COPG2: variants seen among roughly 807,000 people sequenced by gnomAD.
COPG2 encodes the protein coatomer subunit gamma-2.
In COPG2, 37 loss-of-function variants were observed where a neutral mutation model predicts 46.3. The ratio of observed to expected loss-of-function variants is 0.80; its 90% confidence interval spans 0.61 to 1.05. The LOEUF (loss-of-function observed/expected upper bound fraction) is 1.05, where lower values mean the gene tolerates loss of function less well. Ranked by LOEUF, COPG2 falls within the 50% of genes least tolerant of loss-of-function variation. The probability of loss-of-function intolerance (pLI) is 0.00; values close to 1 mark genes in which losing one functional copy is unlikely to be tolerated. For synonymous variants in COPG2, 159 were observed against 129.7 expected, an observed-to-expected ratio of 1.23 and a Z score of -1.53; for missense variants, 427 against 387.8, an observed-to-expected ratio of 1.10 and a Z score of -0.85.
At chr7:130,594,752 A>G (rs1484847181) in intron 9 of COPG2, among the ~76,000 whole-genome samples, 2 of 152,228 alleles carry the variant, frequency 1.3e-5, no homozygotes, top group African/African-American at 2.4e-5. Flanking sequence ...AAACACATGA[A>G]AAGATGTTCA....
intron 9 of COPG2, 28 bp downstream of exon 9, chr7:130,610,925 T>C: frequency 1.2e-6 from 2 of 1,612,608 alleles, no homozygotes; most frequent in Non-Finnish European, 1.7e-6. Context: ...AAATGGAAAA[T>C]AACCCAGGTT....
intron 5 of COPG2, among the ~76,000 whole-genome samples, chr7:130,648,822 T>C (rs782064847): frequency 4.6e-5 from 7 of 152,342 alleles, no homozygotes; most frequent in Non-Finnish European, 1.0e-4. Flanking sequence ...CAGCGTGTAT[T>C]TAAAGCTGAG....
intron 9 of COPG2, among the ~76,000 whole-genome samples, chr7:130,604,519 C>T (rs371735253): frequency 6.6e-5 from 10 of 152,134 alleles, no homozygotes; most frequent in African/African-American, 9.6e-5. Context: ...AAAATGACTT[C>T]GGATATTGAC....
chr7:130,522,785 G>A (rs934173008), intron 20 of COPG2, among the ~76,000 whole-genome samples: 7 of 152,004 alleles, frequency 4.6e-5, no homozygotes, highest in South Asian at 2.1e-4. Flanking sequence ...GTAAAAAAAC[G>A]AACAAACAAA....
chr7:130,648,954 C>T (rs1305044509), intron 5 of COPG2, among the ~76,000 whole-genome samples: 1 of 152,184 alleles, frequency 6.6e-6, no homozygotes, highest in Non-Finnish European at 1.5e-5. Flanking sequence ...TTTGCCTCCT[C>T]TTTGAGTCTT....
intron 9 of COPG2, among the ~76,000 whole-genome samples, chr7:130,604,963 T>C (rs536501064): frequency 5.3e-5 from 8 of 152,350 alleles, no homozygotes; most frequent in Admixed American, 1.3e-4. Flanking sequence ...TATTATGCTA[T>C]GTTTTACTGT....
chr7:130,618,333 T>C (rs1232117593), intron 5 of COPG2, among the ~76,000 whole-genome samples: 5 of 152,098 alleles, frequency 3.3e-5, no homozygotes, highest in Admixed American at 2.0e-4. Context: ...CCTCTGACCA[T>C]AGCTTTAGTT....
intron 4 of COPG2, 42 bp from the exon 5 acceptor site, chr7:130,652,990 A>C (rs1795777562): frequency 1.5e-6 from 2 of 1,346,174 alleles, no homozygotes; most frequent in Non-Finnish European, 2.1e-6. Context: ...ATTGATTAGG[A>C]AATGGTTTTT....
At chr7:130,648,070 A>C (rs955953144) in intron 5 of COPG2, among the ~76,000 whole-genome samples, 2 of 152,090 alleles carry the variant, frequency 1.3e-5, no homozygotes, top group Non-Finnish European at 2.9e-5. Flanking sequence ...CTGATGACTA[A>C]TAATGTTAAG....
chr7:130,534,207 C>A (rs1799857512), intron 20 of COPG2, among the ~76,000 whole-genome samples: 1 of 151,964 alleles, frequency 6.6e-6, no homozygotes, highest in Non-Finnish European at 1.5e-5. Context: ...GGGGAAAGGG[C>A]CAAAGTAACT....
chr7:130,659,354 C>CAAAAAAAAGAAAA (rs1795924710), intron 4 of COPG2, among the ~76,000 whole-genome samples: 1 of 65,466 alleles, frequency 1.5e-5, no homozygotes, highest in East Asian at 4.8e-4. Flanking sequence ...GACTCCGTCT[C>CAAAAAAAAGAAAA]AAAAAAAAAA....
At chr7:130,601,661 G>A (rs1554450338) in intron 9 of COPG2, among the ~76,000 whole-genome samples, 1 of 152,104 alleles carries the variant, frequency 6.6e-6, no homozygotes, top group African/African-American at 2.4e-5. Flanking sequence ...ACCGGGGCCT[G>A]TCGCGGGTGG....
chr7:130,619,827 A>G (rs536507785), intron 5 of COPG2, among the ~76,000 whole-genome samples: 165 of 152,322 alleles, frequency 1.1e-3, no homozygotes, highest in African/African-American at 3.8e-3. Context: ...TTATTCTTGT[A>G]TCACATGTTC....
rs1554460973 is a variant in COPG2 at position 130,662,951 on chromosome 7, A to T, written c.243+16T>A. On this transcript the variant is annotated intron_variant, in intron 4 of 23. Transcript: ENST00000425248. ...AAGGAGGTTTTTCATCGTAAAAAAA[A>T]TTTAAAAAGACTTACATCATTAGAT... The T allele has an allele frequency of 6.6e-7, 1 of 1,505,502 alleles. No individual in the cohort carries two copies. The highest frequency in any genetic ancestry group is 9.0e-7 in the Non-Finnish European group (1 of 1,111,238). The allele number at this position is 1,505,502 out of a possible 1,614,324, so 93.3% of individuals were successfully genotyped here. A position where few individuals can be genotyped will look rare whatever the true frequency, so the allele number is the denominator to read the frequency against.
chr7:130,616,255 T>G (rs782729436), intron 6 of COPG2, among the ~76,000 whole-genome samples: 14 of 152,230 alleles, frequency 9.2e-5, no homozygotes, highest in Non-Finnish European at 2.1e-4. Context: ...TGTTTATTGT[T>G]GATTGTGTAG....
In COPG2 at chr7:130,588,448, A is replaced by G. The variant is rs1394631815; in HGVS notation, c.737+22505T>C. ...TAAGAAAATGTGGCCCATATACACC[A>G]TGGAATACTATGCAGCCATAAAAAA... On this transcript the variant is annotated intron_variant, in intron 9 of 23. Coordinates refer to ENST00000425248, the MANE Select transcript of COPG2 (RefSeq NM_012133.6). 1.1e-3 allele frequency among the ~76,000 whole-genome samples: 167 copies of G among 152,220 alleles called. 1 individual carries two copies. Among genetic ancestry groups the G allele is most frequent in the Admixed American group, 2.1e-3 (32 of 15,286 alleles).
intron 20 of COPG2, chr7:130,509,312 G>A: frequency 2.0e-6 from 1 of 511,264 alleles, no homozygotes; most frequent in Non-Finnish European, 3.9e-6. Context: ...ATGGAGGTGG[G>A]GGTACATTTT....
At chr7:130,664,179 T>C (rs1435901649) in intron 3 of COPG2, among the ~76,000 whole-genome samples, 1 of 152,242 alleles carries the variant, frequency 6.6e-6, no homozygotes, top group African/African-American at 2.4e-5. Context: ...CAATATTTAA[T>C]GTCTTCACTA....
chr7:130,637,372 G>A (rs1220932943), intron 5 of COPG2, among the ~76,000 whole-genome samples: 1 of 152,036 alleles, frequency 6.6e-6, no homozygotes, highest in Admixed American at 6.6e-5. Context: ...ATCAAACGTA[G>A]GTTTGGTCTT....
Sources: gnomAD v4.1 joint callset for allele counts (sites outside exome capture counted in the v4.1 genomes callset) on GRCh38, gnomAD v4.1.1 for gene constraint, MANE v1.5 for transcripts, NCBI Gene and HGNC (gene_info 2026-07-23, HGNC 2026-07-21) for gene names.